The following PDZRN4 variants were observed in gnomAD, a reference collection of about 807,000 sequenced individuals.
PDZRN4 encodes PDZ domain containing ring finger 4, also known as PDZ domain-containing RING finger protein 4.
Under a neutral mutation model 99.0 loss-of-function variants are expected in PDZRN4, and 70 were observed. The ratio of observed to expected loss-of-function variants is 0.71; its 90% CI spans 0.58 to 0.86. PDZRN4 has a LOEUF of 0.86. PDZRN4 is among the 40% of genes least tolerant of loss of function. The probability of loss-of-function intolerance (pLI) is 0.00; values close to 1 mark genes in which losing one functional copy is unlikely to be tolerated. For synonymous variants in PDZRN4, 551 were observed against 501.6 expected, an observed-to-expected ratio of 1.10 and a Z score of -1.32; for missense variants, 1,474 against 1,331.2, an observed-to-expected ratio of 1.11 and a Z score of -1.67.
intron 3 of PDZRN4, chr12:41,411,479 T>A (rs987463670): frequency 6.6e-6 from 1 of 152,206 alleles, no homozygotes; most frequent in Admixed American, 6.5e-5. Context: ...CTGTCATTGA[T>A]CAGACTGACT....
chr12:41,245,759 GA>G lies in PDZRN4; in HGVS notation c.843+51574del, dbSNP rs1327544411. 1.8e-4 allele frequency among the ~76,000 whole-genome samples: 27 copies of G among 152,254 alleles called. No homozygotes were observed. In the East Asian group the frequency reaches 4.1e-3, roughly 23 times the overall value. On this transcript the variant is annotated intron_variant, in intron 3 of 9. Transcript: ENST00000402685. ...ATGCTGAGGAGGAGTCTTTGCAGAG[GA>G]AACAGTATTTAGACTGATTCCTCAT...
At chr12:41,427,036 G>A (rs1256514241) in intron 3 of PDZRN4, among the ~76,000 whole-genome samples, 1 of 152,176 alleles carries the variant, frequency 6.6e-6, no homozygotes, top group Non-Finnish European at 1.5e-5. Flanking sequence ...ATGGTGAATA[G>A]GAAGTTCTCA....
intron 3 of PDZRN4, among the ~76,000 whole-genome samples, chr12:41,464,029 A>G (rs2120543399): frequency 6.6e-6 from 1 of 152,228 alleles, no homozygotes; most frequent in African/African-American, 2.4e-5. Context: ...TTCCATCGTG[A>G]GTCTATTGCG....
chr12:41,261,833 G>A (rs1381355925), intron 3 of PDZRN4, among the ~76,000 whole-genome samples: 2 of 152,088 alleles, frequency 1.3e-5, no homozygotes, highest in Non-Finnish European at 2.9e-5. Flanking sequence ...AATCTCTTCA[G>A]TTCTACCAAA....
chr12:41,349,628 A>G (rs1951877276), intron 3 of PDZRN4, among the ~76,000 whole-genome samples: 1 of 152,012 alleles, frequency 6.6e-6, no homozygotes, highest in Non-Finnish European at 1.5e-5. Flanking sequence ...AAAAACATTA[A>G]TTAACTCTAT....
chr12:41,231,748 C>T (rs1002411993), intron 3 of PDZRN4, among the ~76,000 whole-genome samples: 1 of 152,054 alleles, frequency 6.6e-6, no homozygotes, highest in African/African-American at 2.4e-5. Flanking sequence ...ATTTTCTGAA[C>T]TGTGATTTCC....
chr12:41,508,204 G>C (rs1002480348), intron 4 of PDZRN4, among the ~76,000 whole-genome samples: 1 of 152,002 alleles, frequency 6.6e-6, no homozygotes, highest in Non-Finnish European at 1.5e-5. Flanking sequence ...AAAGTGACAG[G>C]GCCAGGCTTC....
chr12:41,226,461 C>T (rs1950995674), intron 3 of PDZRN4, among the ~76,000 whole-genome samples: 1 of 151,652 alleles, frequency 6.6e-6, no homozygotes, highest in Admixed American at 6.6e-5. Context: ...AAGACTGGTA[C>T]CTAGAAGCTC....
intron 3 of PDZRN4, among the ~76,000 whole-genome samples, chr12:41,311,690 A>G (rs1203248493): frequency 6.6e-6 from 1 of 152,216 alleles, no homozygotes; most frequent in African/African-American, 2.4e-5. Context: ...ATTTAAAAAT[A>G]TGTATGAATC....
At chr12:41,436,319 CCTTGCTA>C (rs1308136052) in intron 3 of PDZRN4, among the ~76,000 whole-genome samples, 1 of 152,188 alleles carries the variant, frequency 6.6e-6, no homozygotes, top group Non-Finnish European at 1.5e-5. Flanking sequence ...TTGTTCATCT[CCTTGCTA>C]CTTGCTGGTG....
chr12:41,296,951 C>G (rs1197328718), intron 3 of PDZRN4, among the ~76,000 whole-genome samples: 1 of 152,090 alleles, frequency 6.6e-6, no homozygotes, highest in African/African-American at 2.4e-5. Context: ...GAGCAAGACC[C>G]TGACTCAAAA....
intron 3 of PDZRN4, among the ~76,000 whole-genome samples, chr12:41,238,110 T>A (rs1218074639): frequency 1.3e-5 from 2 of 152,166 alleles, no homozygotes; most frequent in East Asian, 3.9e-4. Flanking sequence ...GAGCATGGAA[T>A]GTTTTTGCAT....
intron 3 of PDZRN4, among the ~76,000 whole-genome samples, chr12:41,195,404 T>C (rs1950764364): frequency 6.6e-6 from 1 of 152,178 alleles, no homozygotes; most frequent in Admixed American, 6.5e-5. Context: ...GCAGATTTTC[T>C]ATATTAAATT....
chr12:41,234,089 A>G (rs1477235092), intron 3 of PDZRN4, among the ~76,000 whole-genome samples: 1 of 152,006 alleles, frequency 6.6e-6, no homozygotes, highest in Admixed American at 6.6e-5. Context: ...TAGAAACCTC[A>G]AAAAAGCCAA....
intron 3 of PDZRN4, among the ~76,000 whole-genome samples, chr12:41,199,484 T>A (rs1422084076): frequency 1.3e-5 from 2 of 152,190 alleles, no homozygotes; most frequent in East Asian, 3.9e-4. Flanking sequence ...AGCTACCATT[T>A]GATTTAGCAA....
chr12:41,378,633 T>C (rs914492068), intron 3 of PDZRN4, among the ~76,000 whole-genome samples: 3 of 149,018 alleles, frequency 2.0e-5, no homozygotes, highest in Non-Finnish European at 4.4e-5. Flanking sequence ...AGCAATTCTC[T>C]TGCCTCAGCC....
At chr12:41,334,991 C>G (rs1218821031) in intron 3 of PDZRN4, among the ~76,000 whole-genome samples, 1 of 151,852 alleles carries the variant, frequency 6.6e-6, no homozygotes, top group East Asian at 1.9e-4. Flanking sequence ...GAATTCTTAT[C>G]CTAACATTTT....
chr12:41,420,535 C>A (rs1952479956), intron 3 of PDZRN4, among the ~76,000 whole-genome samples: 1 of 152,154 alleles, frequency 6.6e-6, no homozygotes, highest in Admixed American at 6.6e-5. Flanking sequence ...TCAAACATGA[C>A]TGATACGTTC....
intron 3 of PDZRN4, among the ~76,000 whole-genome samples, chr12:41,248,659 T>C (rs1951149166): frequency 6.6e-6 from 1 of 152,170 alleles, no homozygotes; most frequent in South Asian, 2.1e-4. Flanking sequence ...TTTTGACATA[T>C]ATTGTGAGCT....
Sources: gnomAD v4.1 joint callset for allele counts (sites outside exome capture counted in the v4.1 genomes callset) on GRCh38, gnomAD v4.1.1 for gene constraint, MANE v1.5 for transcripts, NCBI Gene and HGNC (gene_info 2026-07-23, HGNC 2026-07-21) for gene names.